Variants in GTF2E2 observed in about 807,000 individuals in gnomAD.
GTF2E2 encodes general transcription factor IIE subunit 2, also known as transcription initiation factor IIE subunit beta.
GTF2E2 carries 21 observed loss-of-function variants against 40.5 expected under a neutral mutation model. The ratio of observed to expected loss-of-function variants is 0.52; its 90% CI spans 0.37 to 0.75. The LOEUF (loss-of-function observed/expected upper bound fraction) is 0.75. Among genes scored for constraint, GTF2E2 ranks in the 30% least tolerant of loss-of-function variants. The pLI is 0.00. For synonymous variants in GTF2E2, 117 were observed against 121.6 expected (o/e 0.96, Z 0.25); for missense variants, 298 against 338.4 (o/e 0.88, Z 0.94).
intron 5 of GTF2E2, among the ~76,000 whole-genome samples, chr8:30,608,137 A>G (rs1011715261): frequency 2.0e-5 from 3 of 152,252 alleles, no homozygotes; most frequent in Non-Finnish European, 4.4e-5. Context: ...ATGAATCAAA[A>G]TATGAATGCA....
At chr8:30,644,739 T>C (rs1801998633) in intron 2 of GTF2E2, among the ~76,000 whole-genome samples, 2 of 137,494 alleles carry the variant, frequency 1.5e-5, no homozygotes, top group Admixed American at 1.7e-4. Flanking sequence ...GCAGTTAATT[T>C]CGGTATATGA....
At chr8:30,632,740 T>G (rs1801478219) in intron 3 of GTF2E2, among the ~76,000 whole-genome samples, 1 of 152,138 alleles carries the variant, frequency 6.6e-6, no homozygotes, top group Middle Eastern at 3.2e-3. Context: ...TAACAAATCC[T>G]TTGGCAAGTT....
At chr8:30,620,807 T>C (rs984388293) in intron 3 of GTF2E2, among the ~76,000 whole-genome samples, 1 of 151,508 alleles carries the variant, frequency 6.6e-6, no homozygotes, top group Non-Finnish European at 1.5e-5. Flanking sequence ...CACATGCCTA[T>C]AATTCCAGCT....
chr8:30,646,756 T>C (rs1312779336), intron 2 of GTF2E2, among the ~76,000 whole-genome samples: 1 of 152,074 alleles, frequency 6.6e-6, no homozygotes, highest in African/African-American at 2.4e-5. Context: ...CCAAGGCGGA[T>C]GGATCACAAG....
chr8:30,635,404 C>T (rs1030336674), intron 2 of GTF2E2, among the ~76,000 whole-genome samples: 1 of 151,944 alleles, frequency 6.6e-6, no homozygotes, highest in African/African-American at 2.4e-5. Context: ...TTTTTTGAGA[C>T]AGGGTCGCAT....
At chr8:30,595,238 G>T (rs1828967426) in intron 6 of GTF2E2, among the ~76,000 whole-genome samples, 1 of 152,002 alleles carries the variant, frequency 6.6e-6, no homozygotes, top group South Asian at 2.1e-4. Context: ...ACCAATTATT[G>T]ATCCCTTCTG....
At chr8:30,631,262 C>T (rs1420052254) in intron 3 of GTF2E2, among the ~76,000 whole-genome samples, 1 of 152,166 alleles carries the variant, frequency 6.6e-6, no homozygotes, top group African/African-American at 2.4e-5. Context: ...AGTGATCCAC[C>T]TGCCTCAGCC....
chr8:30,653,610 G>A lies in GTF2E2; in HGVS notation c.-4-8C>T. 1 of 1,595,460 alleles carries A rather than the reference G, an allele frequency of 6.3e-7. No homozygotes were observed. The highest frequency in any genetic ancestry group is 1.8e-5 in the Admixed American group (1 of 55,696). On this transcript the variant is annotated splice_region_variant and splice_polypyrimidine_tract_variant and intron_variant, in intron 1 of 7. Transcript: ENST00000355904. The stretch of plus-strand genomic sequence containing the variant: ...AGGCTTGGATCCATAATGCTACAAA[G>A]AAAAAATAAGTGTCTTTAATACAAA...
chr8:30,652,376 G>A (rs548537586), intron 2 of GTF2E2, among the ~76,000 whole-genome samples: 46 of 151,374 alleles, frequency 3.0e-4, no homozygotes, highest in African/African-American at 1.1e-3. Flanking sequence ...AATAGAGAGA[G>A]GAAATATACC....
chr8:30,624,851 T>C (rs1479495912), intron 3 of GTF2E2, among the ~76,000 whole-genome samples: 2 of 152,052 alleles, frequency 1.3e-5, no homozygotes, highest in Admixed American at 6.6e-5. Flanking sequence ...TTTTTGCACA[T>C]TGATTTTGTA....
chr8:30,616,755 G>A (rs988073748), intron 3 of GTF2E2, among the ~76,000 whole-genome samples: 1 of 152,050 alleles, frequency 6.6e-6, no homozygotes, highest in African/African-American at 2.4e-5. Context: ...GCAGGGAATG[G>A]ATGAGAATTC....
At chr8:30,599,407 GTC>G (rs1829106624) in intron 6 of GTF2E2, among the ~76,000 whole-genome samples, 1 of 151,968 alleles carries the variant, frequency 6.6e-6, no homozygotes, top group Non-Finnish European at 1.5e-5. Context: ...GTGAAACCCT[GTC>G]TCTACTAAAA....
intron 2 of GTF2E2, among the ~76,000 whole-genome samples, chr8:30,646,967 A>G: frequency 7.8e-6 from 1 of 127,534 alleles, no homozygotes; most frequent in African/African-American, 3.0e-5. Flanking sequence ...GTGACAGAGC[A>G]AGACTCCGTC....
At chr8:30,648,009 A>G (rs1293579703) in intron 2 of GTF2E2, among the ~76,000 whole-genome samples, 1 of 152,244 alleles carries the variant, frequency 6.6e-6, no homozygotes, top group African/African-American at 2.4e-5. Context: ...CAAAAAGAGT[A>G]GTGATATGGG....
intron 3 of GTF2E2, among the ~76,000 whole-genome samples, chr8:30,632,499 A>G (rs942245809): frequency 6.6e-6 from 1 of 152,214 alleles, no homozygotes; most frequent in Non-Finnish European, 1.5e-5. Flanking sequence ...CTAAACCTTC[A>G]TACTAAAAGT....
At chr8:30,657,475 T>C (rs1372209350) in intron 1 of GTF2E2, 1 of 152,214 alleles carries the variant, frequency 6.6e-6, no homozygotes, top group African/African-American at 2.4e-5. Context: ...GCTTCGCCCT[T>C]AAATGACGGA....
intron 2 of GTF2E2, among the ~76,000 whole-genome samples, chr8:30,644,032 T>C (rs1801964223): frequency 6.6e-6 from 1 of 152,226 alleles, no homozygotes; most frequent in African/African-American, 2.4e-5. Flanking sequence ...AACTACATTT[T>C]TTCTCTTATT....
At chr8:30,645,537 AC>A (rs1563508792) in intron 2 of GTF2E2, 1 of 1,535,678 alleles carries the variant, frequency 6.5e-7, no homozygotes, top group Non-Finnish European at 8.7e-7. Context: ...TGAAAAGTGA[AC>A]CCAACCCTCT....
At chr8:30,586,763 C>A (rs1190226089) in intron 6 of GTF2E2, among the ~76,000 whole-genome samples, 1 of 152,180 alleles carries the variant, frequency 6.6e-6, no homozygotes, top group Non-Finnish European at 1.5e-5. Flanking sequence ...GGGAAAAGGA[C>A]AGTCTCTTCA....
Sources: gnomAD v4.1 joint callset for allele counts (sites outside exome capture counted in the v4.1 genomes callset) on GRCh38, gnomAD v4.1.1 for gene constraint, MANE v1.5 for transcripts, NCBI Gene and HGNC (gene_info 2026-07-23, HGNC 2026-07-21) for gene names.